The following DMD variants were observed in gnomAD, a reference collection of about 807,000 sequenced individuals.
DMD encodes mutant dystrophin.
DMD carries 63 observed loss-of-function variants against 330.1 expected under a neutral mutation model. That is an observed-to-expected ratio of 0.19 (90% CI 0.16 to 0.24). The LOEUF (loss-of-function observed/expected upper bound fraction) is 0.24, where lower values mean the gene tolerates loss of function less well. Among genes scored for constraint, DMD ranks in the 10% least tolerant of loss-of-function variants. The probability of loss-of-function intolerance (pLI) is 1.00; values close to 1 mark genes in which losing one functional copy is unlikely to be tolerated. For synonymous variants in DMD, 1,223 were observed against 959.8 expected (o/e 1.27, Z -5.07); for missense variants, 3,344 against 2,684.1 (o/e 1.25, Z -5.43).
At chrX:33,015,199 T>C (rs920168625) in intron 2 of DMD, among the ~76,000 whole-genome samples, 1 of 111,211 alleles carries the variant, frequency 9.0e-6, no homozygotes, top group Non-Finnish European at 1.9e-5. Flanking sequence ...CATTCTATTA[T>C]AAGACACGCA....
chrX:31,446,474 GC>G (rs1220039764), intron 59 of DMD, among the ~76,000 whole-genome samples: 1 of 97,620 alleles, frequency 1.0e-5, no homozygotes, highest in African/African-American at 4.4e-5. Context: ...CCATACACAT[GC>G]AAAAAAAAAA....
At chrX:33,226,878 C>T (rs2052300810) in intron 1 of DMD, among the ~76,000 whole-genome samples, 1 of 109,474 alleles carries the variant, frequency 9.1e-6, no homozygotes, top group African/African-American at 3.3e-5. Context: ...GACATTCGTG[C>T]ATACAAATAA....
chrX:32,574,487 G>A lies in DMD; in HGVS notation c.1603-641C>T, dbSNP rs759416379. Among the ~76,000 whole-genome samples, 19 of 111,831 alleles carry A rather than the reference G, an allele frequency of 1.7e-4. No individual in the cohort carries two copies. The South Asian group carries it at 6.7e-3, about 40-fold the overall frequency. On this transcript the variant is annotated intron_variant, in intron 13 of 78. Transcript: ENST00000357033. ...CTAAGAACACACACTATTTTAATAT[G>A]TAACATAAACCAACTATCAATGATT...
At chrX:31,842,241 C>T (rs2093331640) in intron 48 of DMD, among the ~76,000 whole-genome samples, 1 of 111,808 alleles carries the variant, frequency 8.9e-6, no homozygotes, top group African/African-American at 3.2e-5. Context: ...GAAGGTGTAA[C>T]TGAATGGCCG....
At chrX:33,155,075 C>T (rs73455879) in intron 1 of DMD, among the ~76,000 whole-genome samples, 150 of 111,732 alleles carry the variant, frequency 1.3e-3, no homozygotes, top group African/African-American at 4.9e-3. Context: ...TTACATTCTC[C>T]CCATGGATTC....
chrX:31,674,695 G>T (rs1422526293), intron 53 of DMD, among the ~76,000 whole-genome samples: 1 of 112,323 alleles, frequency 8.9e-6, no homozygotes, highest in African/African-American at 3.2e-5. Flanking sequence ...AAAACTCGGA[G>T]CCTGGGAAAA....
At chrX:32,737,592 T>C (rs2068684018) in intron 7 of DMD, among the ~76,000 whole-genome samples, 1 of 111,586 alleles carries the variant, frequency 9.0e-6, no homozygotes, top group Non-Finnish European at 1.9e-5. Flanking sequence ...GAATGATGCA[T>C]TGGAAACTTG....
At chrX:31,571,292 T>TGA (rs2075806339) in intron 55 of DMD, among the ~76,000 whole-genome samples, 1 of 104,940 alleles carries the variant, frequency 9.5e-6, no homozygotes, top group Admixed American at 1.0e-4. Flanking sequence ...TGTGTGTGTG[T>TGA]GTATAGAAAA....
rs748080359 is a variant in DMD at position 31,724,586 on chromosome X, C to G, written c.7660+5045G>C. Among the ~76,000 whole-genome samples, 15 of 111,617 alleles carry G rather than the reference C, an allele frequency of 1.3e-4. 1 individual carries two copies. Among genetic ancestry groups the G allele is most frequent in the African/African-American group, 3.6e-4 (11 of 30,749 alleles). On this transcript the variant is annotated intron_variant, in intron 52 of 78. Coordinates refer to ENST00000357033, the MANE Select transcript of DMD (RefSeq NM_004006.3). ...AAATAATTCCAAAATAAACGACTCC[C>G]TCTTAAAACTTGGAATTCTGTTTCA...
At chrX:32,911,577 A>T (rs771582245) in intron 2 of DMD, among the ~76,000 whole-genome samples, 3 of 112,050 alleles carry the variant, frequency 2.7e-5, no homozygotes, top group South Asian at 7.4e-4. Context: ...AATTGTCTGC[A>T]TTTAAAACTT....
At chrX:32,823,424 G>T in intron 4 of DMD, 37 bp from the exon 5 acceptor site, 1 of 915,107 alleles carries the variant, frequency 1.1e-6, no homozygotes, top group African/African-American at 1.9e-5. Flanking sequence ...GAAGGTAAGA[G>T]ACCAAATGCC....
intron 30 of DMD, among the ~76,000 whole-genome samples, chrX:32,403,707 G>A (rs1040463644): frequency 3.6e-5 from 4 of 111,892 alleles, no homozygotes; most frequent in African/African-American, 6.5e-5. Context: ...GCCTTTCAAT[G>A]TTAGAACAGA....
chrX:33,216,482 C>T (rs1366080517), upstream of DMD, among the ~76,000 whole-genome samples: 1 of 111,124 alleles, frequency 9.0e-6, no homozygotes, highest in East Asian at 2.8e-4. Flanking sequence ...AGCTGAAAAA[C>T]TACCTACTGG....
intron 42 of DMD, among the ~76,000 whole-genome samples, chrX:32,300,491 C>A (rs1228446406): frequency 2.7e-5 from 3 of 111,469 alleles, no homozygotes; most frequent in Non-Finnish European, 5.7e-5. Context: ...ACAAAAAAAA[C>A]CCTGCACTTT....
intron 13 of DMD, among the ~76,000 whole-genome samples, chrX:32,585,427 C>T (rs989765409): frequency 3.6e-5 from 4 of 110,896 alleles, no homozygotes; most frequent in East Asian, 2.8e-4. Flanking sequence ...GGTGGCCGGG[C>T]GTGGTGGCTC....
At chrX:31,185,730 T>C (rs1273251254) in intron 67 of DMD, among the ~76,000 whole-genome samples, 26 of 111,131 alleles carry the variant, frequency 2.3e-4, no homozygotes, top group Non-Finnish European at 4.3e-4. Flanking sequence ...CCTTGATTTC[T>C]TTCTTTTTCC....
intron 1 of DMD, among the ~76,000 whole-genome samples, chrX:33,261,746 A>G (rs1317040248): frequency 1.8e-5 from 2 of 109,560 alleles, no homozygotes; most frequent in Non-Finnish European, 3.8e-5. Flanking sequence ...TATCACCACA[A>G]ACAGCACTCC....
At chrX:31,200,430 T>A (rs772324150) in intron 67 of DMD, among the ~76,000 whole-genome samples, 1 of 111,959 alleles carries the variant, frequency 8.9e-6, no homozygotes, top group Non-Finnish European at 1.9e-5. Flanking sequence ...ACTTAAACAA[T>A]AATAAAAGCA....
chrX:32,688,485 G>T (rs777847195), intron 9 of DMD, among the ~76,000 whole-genome samples: 1 of 111,985 alleles, frequency 8.9e-6, no homozygotes, highest in East Asian at 2.8e-4. Context: ...GATCCACGTT[G>T]TTGTAAATAT....
Sources: gnomAD v4.1 joint callset for allele counts (sites outside exome capture counted in the v4.1 genomes callset) on GRCh38, gnomAD v4.1.1 for gene constraint, MANE v1.5 for transcripts, NCBI Gene and HGNC (gene_info 2026-07-23, HGNC 2026-07-21) for gene names.